Variants in WWOX observed in about 807,000 individuals in gnomAD.
WWOX encodes the protein WW domain containing oxidoreductase.
WWOX carries 69 observed loss-of-function variants against 46.2 expected under a neutral mutation model. That is an observed-to-expected ratio of 1.49 (90% CI 1.23 to 1.82). The LOEUF is 1.82. Among genes scored for constraint, WWOX ranks in the 40% most tolerant of loss-of-function variants. The probability of loss-of-function intolerance (pLI) is 0.00; values close to 1 mark genes in which losing one functional copy is unlikely to be tolerated. For synonymous variants in WWOX, 359 were observed against 202.6 expected (o/e 1.77, Z -6.56); for missense variants, 919 against 542.6 (o/e 1.69, Z -6.89).
intron 8 of WWOX, among the ~76,000 whole-genome samples, chr16:79,007,192 G>A (rs539911501): frequency 2.6e-5 from 4 of 152,256 alleles, no homozygotes; most frequent in Admixed American, 6.5e-5. Context: ...AGAAGTCAAC[G>A]AGAAAGTCAA....
intron 8 of WWOX, among the ~76,000 whole-genome samples, chr16:78,596,723 A>G (rs1291382206): frequency 6.6e-6 from 1 of 152,208 alleles, no homozygotes; most frequent in Admixed American, 6.5e-5. Context: ...GTAGAAAGTA[A>G]GCGAAGCCCT....
rs11865891 is a variant in WWOX at position 78,837,708 on chromosome 16, C to T, written c.1057-373900C>T. Among the ~76,000 whole-genome samples the T allele has an allele frequency of 6.1e-3, 926 of 152,212 alleles. 6 individuals carry two copies. Among genetic ancestry groups the T allele is most frequent in the African/African-American group, 0.021 (877 of 41,510 alleles). ...TGACAAAGATTGAGTGATTAGAAAT[C>T]CAAGTGAATTTCTATTTATTATTTT... is the stretch of plus-strand genomic sequence containing the variant. On this transcript the variant is annotated intron_variant, in intron 8 of 8. Transcript: ENST00000566780.
intron 8 of WWOX, among the ~76,000 whole-genome samples, chr16:78,878,596 A>T (rs2044279448): frequency 6.6e-6 from 1 of 152,176 alleles, no homozygotes; most frequent in Non-Finnish European, 1.5e-5. Flanking sequence ...TGCTATGAGG[A>T]TATCATGAGA....
At chr16:78,757,968 C>T (rs1001024835) in intron 8 of WWOX, among the ~76,000 whole-genome samples, 4 of 152,068 alleles carry the variant, frequency 2.6e-5, no homozygotes, top group African/African-American at 9.7e-5. Flanking sequence ...CACATTGATT[C>T]CACAACACTG....
At chr16:78,546,211 C>G (rs955551335) in intron 8 of WWOX, among the ~76,000 whole-genome samples, 8 of 152,150 alleles carry the variant, frequency 5.3e-5, no homozygotes, top group Admixed American at 6.5e-5. Context: ...GAACAGATGA[C>G]TCTAACCTTG....
chr16:78,373,629 G>C (rs2081748328), intron 5 of WWOX, among the ~76,000 whole-genome samples: 1 of 146,784 alleles, frequency 6.8e-6, no homozygotes, highest in African/African-American at 2.5e-5. Context: ...AAACAGCATA[G>C]AACTATTTTT....
chr16:79,177,492 G>A (rs1001766926), intron 8 of WWOX, among the ~76,000 whole-genome samples: 1 of 152,108 alleles, frequency 6.6e-6, no homozygotes, highest in Non-Finnish European at 1.5e-5. Context: ...CTTTTATGGG[G>A]TCATTACAGA....
At chr16:78,950,397 G>C (rs2046034857) in intron 8 of WWOX, among the ~76,000 whole-genome samples, 2 of 152,110 alleles carry the variant, frequency 1.3e-5, no homozygotes, top group Admixed American at 1.3e-4. Flanking sequence ...ATTGTTCTGA[G>C]AGGAAGGGGC....
chr16:78,721,800 G>A (rs575686394), intron 8 of WWOX, among the ~76,000 whole-genome samples: 8 of 152,222 alleles, frequency 5.3e-5, no homozygotes, highest in Non-Finnish European at 1.2e-4. Context: ...AGATACCCCC[G>A]ACTTCCTTTC....
intron 8 of WWOX, among the ~76,000 whole-genome samples, chr16:78,578,248 C>G (rs1277730615): frequency 1.5e-5 from 1 of 65,554 alleles, no homozygotes; most frequent in Non-Finnish European, 3.0e-5. Context: ...ATGTGCATAC[C>G]AAATTTTATA....
intron 8 of WWOX, among the ~76,000 whole-genome samples, chr16:79,201,275 C>A (rs1420140091): frequency 2.6e-5 from 4 of 152,046 alleles, no homozygotes; most frequent in African/African-American, 7.2e-5. Context: ...TATTGATTCT[C>A]ACTTGATAGA....
At chr16:78,148,020 C>T (rs74027802) in intron 4 of WWOX, among the ~76,000 whole-genome samples, 1,601 of 151,758 alleles carry the variant, frequency 0.011, 27 homozygotes, top group African/African-American at 0.036. Flanking sequence ...CTCGAGCAGA[C>T]GAGAAAGAGT....
intron 8 of WWOX, among the ~76,000 whole-genome samples, chr16:78,624,619 C>G (rs1476754276): frequency 6.6e-6 from 1 of 152,168 alleles, no homozygotes; most frequent in Non-Finnish European, 1.5e-5. Flanking sequence ...CAGAAAATCA[C>G]TCATTTCTAT....
At chr16:78,601,650 A>T (rs1359470122) in intron 8 of WWOX, among the ~76,000 whole-genome samples, 1 of 152,220 alleles carries the variant, frequency 6.6e-6, no homozygotes, top group Non-Finnish European at 1.5e-5. Flanking sequence ...GAATACCATA[A>T]TAAGAATGTG....
Position 78,608,943 on chromosome 16 carries a change from A to G in WWOX, c.1056+176191A>G, listed in dbSNP as rs181295532. Among the ~76,000 whole-genome samples the G allele has an allele frequency of 2.3e-4, 35 of 152,348 alleles. No individual in the cohort carries two copies. In the East Asian group the frequency reaches 6.0e-3, roughly 26 times the overall value. On this transcript the variant is annotated intron_variant, in intron 8 of 8. Transcript: ENST00000566780. The stretch of plus-strand genomic sequence containing the variant: ...TCGAAACGATTTAACTAGCAGCAAT[A>G]AAATCTCTACTCTTTTTATGACAAA...
intron 8 of WWOX, among the ~76,000 whole-genome samples, chr16:78,579,641 G>A (rs1261036047): frequency 6.6e-6 from 1 of 152,176 alleles, no homozygotes; most frequent in Non-Finnish European, 1.5e-5. Flanking sequence ...GGAAAGTTGA[G>A]GAAATGTAAG....
intron 5 of WWOX, among the ~76,000 whole-genome samples, chr16:78,287,991 C>T (rs2079797136): frequency 6.6e-6 from 1 of 152,072 alleles, no homozygotes; most frequent in Non-Finnish European, 1.5e-5. Flanking sequence ...GTTTTAGGGA[C>T]AACATTTAGG....
intron 8 of WWOX, among the ~76,000 whole-genome samples, chr16:78,799,998 T>C (rs2050844516): frequency 6.6e-6 from 1 of 152,134 alleles, no homozygotes; most frequent in Admixed American, 6.5e-5. Context: ...GATGAACTCT[T>C]TTTTCTCTCC....
rs145273926 is a variant in WWOX at position 78,772,507 on chromosome 16, A to G, written c.1056+339755A>G. Among the ~76,000 whole-genome samples, 281 of 152,134 alleles carry G rather than the reference A, an allele frequency of 1.8e-3. 1 individual carries two copies. The highest frequency in any genetic ancestry group is 6.5e-3 in the African/African-American group (268 of 41,504). ...CTTCTTGGAAATGTTAATCTTGATC[A>G]TTTGGTTAATGTGATGACTTCTGGG... On this transcript the variant is annotated intron_variant, in intron 8 of 8. Transcript: ENST00000566780.
Sources: gnomAD v4.1 joint callset for allele counts (sites outside exome capture counted in the v4.1 genomes callset) on GRCh38, gnomAD v4.1.1 for gene constraint, MANE v1.5 for transcripts, NCBI Gene and HGNC (gene_info 2026-07-23, HGNC 2026-07-21) for gene names.